The following PAX2 variants were observed in gnomAD, a reference collection of about 807,000 sequenced individuals.
PAX2 encodes paired box protein Pax-2.
A neutral mutation model predicts 41.7 loss-of-function variants in PAX2; 9 were observed. The observed-to-expected ratio is 0.22, with a 90% CI of 0.13 to 0.38. The LOEUF is 0.38. Ranked by LOEUF, PAX2 falls within the 10% of genes least tolerant of loss-of-function variation. The pLI is 1.00. For missense variants in PAX2, 418 were observed against 531.6 expected (o/e 0.79, Z 2.10); for synonymous variants, 221 against 212.7 (o/e 1.04, Z -0.34).
intron 3 of PAX2, among the ~76,000 whole-genome samples, chr10:100,759,027 G>A (rs2133854074): frequency 6.6e-6 from 1 of 152,298 alleles, no homozygotes; most frequent in South Asian, 2.1e-4. Context: ...GAGGTGGAAG[G>A]AAGGGCGCTG....
At chr10:100,774,746 A>T (rs1846325415) in intron 3 of PAX2, among the ~76,000 whole-genome samples, 1 of 152,240 alleles carries the variant, frequency 6.6e-6, no homozygotes, top group Non-Finnish European at 1.5e-5. Flanking sequence ...AGTGTATGGT[A>T]GTATTATCTT....
Position 100,739,014 on chromosome 10 carries a change from G to GACACACACACACAC in PAX2, c.25+3304_25+3317dup, listed in dbSNP as rs61617727. On this transcript the variant is annotated intron_variant, in intron 1 of 9. Transcript: ENST00000679374. ...CTAATCCGTCGCGCGCGCGCACGCG[G>GACACACACACACAC]ACACACACACACACACACACACACA... Among the ~76,000 whole-genome samples, 1,172 of 138,314 alleles carry GACACACACACACAC rather than the reference G, an allele frequency of 8.5e-3. 19 individuals are homozygous for GACACACACACACAC. The highest frequency in any genetic ancestry group is 0.012 in the African/African-American group (432 of 36,642). 90.7% of individuals were successfully genotyped at this position (138,314 alleles called of 152,430 possible). A position where few individuals can be genotyped will look rare whatever the true frequency, so the allele number is the denominator to read the frequency against.
intron 5 of PAX2, among the ~76,000 whole-genome samples, chr10:100,788,966 C>T (rs1241644362): frequency 6.6e-6 from 1 of 152,016 alleles, no homozygotes; most frequent in East Asian, 1.9e-4. Flanking sequence ...GAGTGTGCTC[C>T]CAGGTTTCTA....
At chr10:100,735,602 A>G (rs1844759768) in exon 1 of PAX2, 2 of 932,866 alleles carry the variant, frequency 2.1e-6, no homozygotes, top group Non-Finnish European at 2.6e-6. Flanking sequence ...GGCTGCGCCC[A>G]GATCTCCGGG....
chr10:100,788,859 T>G (rs774599557), intron 5 of PAX2, among the ~76,000 whole-genome samples: 11 of 151,850 alleles, frequency 7.2e-5, no homozygotes, highest in Non-Finnish European at 1.2e-4. Context: ...AATTCTTGCA[T>G]GCACACACAC....
At chr10:100,756,634 G>C (rs1017739229) in intron 3 of PAX2, among the ~76,000 whole-genome samples, 3 of 152,228 alleles carry the variant, frequency 2.0e-5, no homozygotes, top group African/African-American at 7.2e-5. Context: ...TGTATTCAAT[G>C]CATTTTCAGC....
intron 7 of PAX2, among the ~76,000 whole-genome samples, chr10:100,817,200 G>A (rs1041509091): frequency 2.6e-5 from 4 of 152,166 alleles, no homozygotes; most frequent in Admixed American, 2.0e-4. Flanking sequence ...ACACAGGGAC[G>A]TTGCCTTCTG....
chr10:100,749,804 C>G lies in PAX2; in HGVS notation c.102C>G (p.Pro34=), dbSNP rs201381234. The G allele has an allele frequency of 4.3e-6, 7 of 1,611,804 alleles. No homozygotes were observed. Among genetic ancestry groups the G allele is most frequent in the Non-Finnish European group, 5.9e-6 (7 of 1,178,780 alleles). The part of the protein sequence containing the change: ...GGVFVNGRPL[P]DVVRQRIVEL... ...TGTTTGTGAACGGCCGGCCCCTACC[C>G]GACGTGGTGAGGCAGCGCATCGTGG... Residue 34 remains proline, a synonymous_variant, in exon 2 of 10, where the codon CCC becomes CCG. Coordinates refer to ENST00000355243, the MANE Select transcript of PAX2 (RefSeq NM_000278.5).
chr10:100,814,249 G>C (rs1357752080), intron 7 of PAX2, among the ~76,000 whole-genome samples: 2 of 150,160 alleles, frequency 1.3e-5, no homozygotes, highest in Non-Finnish European at 2.9e-5. Flanking sequence ...CTACTTCGGA[G>C]GCTGAGGCAG....
intron 1 of PAX2, chr10:100,747,908 G>T: frequency 2.0e-6 from 2 of 983,926 alleles, no homozygotes; most frequent in Non-Finnish European, 2.4e-6. Flanking sequence ...CCGGGGGTCC[G>T]CCGAGTCCTG....
chr10:100,774,233 G>T (rs536984939), intron 3 of PAX2, among the ~76,000 whole-genome samples: 26 of 152,310 alleles, frequency 1.7e-4, no homozygotes, highest in Admixed American at 4.6e-4. Context: ...TACTCACAGA[G>T]CCTGAGACTG....
intron 7 of PAX2, among the ~76,000 whole-genome samples, chr10:100,822,911 T>A (rs950422187): frequency 2.0e-5 from 3 of 152,140 alleles, no homozygotes; most frequent in African/African-American, 7.2e-5. Flanking sequence ...TCAGTAATAG[T>A]TTTTACAAGG....
intron 4 of PAX2, 68 bp downstream of exon 4, chr10:100,779,651 C>A: frequency 8.0e-7 from 1 of 1,246,360 alleles, no homozygotes; most frequent in Non-Finnish European, 1.2e-6. Context: ...CGCAGCTCCA[C>A]CCCTGGGAAC....
At chr10:100,792,869 G>A (rs1416181373) in intron 5 of PAX2, among the ~76,000 whole-genome samples, 4 of 152,294 alleles carry the variant, frequency 2.6e-5, no homozygotes, top group African/African-American at 7.2e-5. Context: ...GCTGTTGTTC[G>A]ACAGTGTAAA....
chr10:100,779,536 C>T lies in PAX2; in HGVS notation c.449C>T (p.Thr150Met), dbSNP rs373723559. The change falls in exon 4 of 10, where the codon ACG (threonine) becomes ATG (methionine). Residue 150 changes from threonine to methionine, a missense_variant. Thr to Met is a moderately conservative substitution (Grantham distance 81). This residue lies in a region of PAX2 where 310 missense variants were observed against 325.2 expected (regional missense o/e 0.95). Transcript: ENST00000355243. Reference sequence around the variant, plus strand: ...AAAGTTCAGCAGCCTTTCCACCCAACGCCGGATGGGGCTGGGACAGGAGTG... The same window carrying T: ...AAAGTTCAGCAGCCTTTCCACCCAATGCCGGATGGGGCTGGGACAGGAGTG... ...RTKVQQPFHP[T>M]PDGAGTGVTA... 3.8e-5 allele frequency: 60 copies of T among 1,597,362 alleles called. No homozygotes were observed. The Admixed American group carries it at 5.5e-4, about 15-fold the overall frequency.
intron 3 of PAX2, among the ~76,000 whole-genome samples, chr10:100,771,491 G>C (rs1329721751): frequency 6.6e-6 from 1 of 152,192 alleles, no homozygotes; most frequent in African/African-American, 2.4e-5. Context: ...GAGAGATGCT[G>C]TTTCCTTTGT....
intron 3 of PAX2, among the ~76,000 whole-genome samples, chr10:100,772,739 C>G (rs915708445): frequency 1.3e-5 from 2 of 152,228 alleles, no homozygotes; most frequent in Non-Finnish European, 1.5e-5. Flanking sequence ...AGATACTTGA[C>G]ATCTTGCTCC....
In PAX2 at chr10:100,827,091, A is replaced by G; in HGVS notation, c.1104A>G (p.Leu368=). ...NEAWRFSNPA[L]LSSPYYYSAA... ...CTTGGAGATTCAGCAACCCCGCCTT[A>G]CTAAGTGAGTACGCCACCTGGCTGG... is the stretch of plus-strand genomic sequence containing the variant. The change falls in exon 9 of 10, where the codon TTA becomes TTG. Residue 368 remains leucine (L), a synonymous_variant. Coordinates refer to ENST00000355243, the MANE Select transcript of PAX2 (RefSeq NM_000278.5). This position sits in a 1 kb window ranked among gnomAD's most constrained non-coding sequence, Gnocchi z 8.5. 6.2e-7 allele frequency: 1 copy of G among 1,611,360 alleles called. No individual in the cohort carries two copies.
chr10:100,749,989 C>G, intron 2 of PAX2, 75 bp downstream of exon 2: 2 of 1,532,664 alleles, frequency 1.3e-6, no homozygotes, highest in East Asian at 2.3e-5. Flanking sequence ...AGCTGGAGGA[C>G]GTGGCTAAAA....
Sources: gnomAD v4.1 joint callset for allele counts (sites outside exome capture counted in the v4.1 genomes callset) on GRCh38, gnomAD v4.1.1 for gene constraint, gnomAD v4.1.1 regional missense constraint, Gnocchi (gnomAD v3.1) non-coding constraint, MANE v1.5 for transcripts, NCBI Gene and HGNC (gene_info 2026-07-23, HGNC 2026-07-21) for gene names.